TCF25: variants seen among roughly 807,000 people sequenced by gnomAD.
The protein encoded by TCF25 is ribosome quality control complex subunit TCF25.
A neutral mutation model predicts 83.1 loss-of-function variants in TCF25; 41 were observed. The observed-to-expected ratio is 0.49, with a 90% CI of 0.38 to 0.64. The LOEUF is 0.64. Among genes scored for constraint, TCF25 ranks in the 30% least tolerant of loss-of-function variants. The probability of loss-of-function intolerance (pLI) is 0.00; values close to 1 mark genes in which losing one functional copy is unlikely to be tolerated. For missense variants in TCF25, 979 were observed against 914.5 expected, an observed-to-expected ratio of 1.07 and a Z score of -0.91; for synonymous variants, 458 against 365.0, an observed-to-expected ratio of 1.25 and a Z score of -2.90.
chr16:89,874,096 A>T (rs1305209972), intron 1 of TCF25, among the ~76,000 whole-genome samples: 4 of 15,014 alleles, frequency 2.7e-4, no homozygotes, highest in Admixed American at 2.0e-3. Flanking sequence ...AACCCCGGTG[A>T]GGTGGGCGGG....
In TCF25 at chr16:89,898,796, T is replaced by C; in HGVS notation, c.1145T>C (p.Met382Thr). ...GAGCCGGATGAGGACCCCCTCTGCA[T>C]GCTGCTGCTCATCGACCACCTGGCC... is the stretch of plus-strand genomic sequence containing the variant. ...SLEPDEDPLC[M>T]LLLIDHLALR... is the part of the protein sequence containing the mutation. Residue 382 changes from methionine (M) to threonine (T), a missense_variant, in exon 11 of 18, where the codon ATG becomes ACG. By Grantham distance (81) the Met-to-Thr change is moderately conservative (BLOSUM62 -1). Transcript: ENST00000263346. The C allele has an allele frequency of 6.2e-7, 1 of 1,613,966 alleles. No individual in the cohort carries two copies. Among genetic ancestry groups the C allele is most frequent in the Non-Finnish European group, 8.5e-7 (1 of 1,180,044 alleles).
chr16:89,874,184 AG>A (rs1415069378), intron 1 of TCF25, among the ~76,000 whole-genome samples: 2 of 148,384 alleles, frequency 1.3e-5, no homozygotes, highest in Non-Finnish European at 3.0e-5. Flanking sequence ...CGGGTTGTGG[AG>A]GGTGCGGGGC....
intron 1 of TCF25, among the ~76,000 whole-genome samples, chr16:89,875,994 T>C (rs2042162676): frequency 6.6e-6 from 1 of 151,948 alleles, no homozygotes; most frequent in African/African-American, 2.4e-5. Context: ...TAATGCTTTT[T>C]TTTTCCCATT....
chr16:89,887,782 G>T (rs965034783), intron 5 of TCF25, 65 bp downstream of exon 5: 16 of 1,446,864 alleles, frequency 1.1e-5, no homozygotes, highest in Non-Finnish European at 1.5e-5. Context: ...TTGGCCGGGG[G>T]TGGTGTTCCT....
At chr16:89,875,476 C>G (rs2042108864) in intron 1 of TCF25, among the ~76,000 whole-genome samples, 1 of 145,812 alleles carries the variant, frequency 6.9e-6, no homozygotes, top group Non-Finnish European at 1.5e-5. Context: ...ACATCCATCT[C>G]TCTAGAGTGT....
chr16:89,910,991 C>T, intron 17 of TCF25, 89 bp from the exon 18 acceptor site: 10 of 1,551,738 alleles, frequency 6.4e-6, no homozygotes, highest in South Asian at 5.9e-5. Context: ...CAAGGGCCAC[C>T]TCGGGCTCCA....
chr16:89,904,069 G>T (rs758593045), intron 12 of TCF25, 49 bp from the exon 13 acceptor site: 2 of 1,564,486 alleles, frequency 1.3e-6, no homozygotes, highest in Non-Finnish European at 8.7e-7. Flanking sequence ...GCTAGGAGTG[G>T]CTGGGGTGTG....
Position 89,884,570 on chromosome 16 carries a change from T to C in TCF25, c.355-12T>C. On this transcript the variant is annotated splice_polypyrimidine_tract_variant and intron_variant, in intron 2 of 17. Transcript: ENST00000263346. ...TCTCATTCTACTGATGAAAATGTGT[T>C]TCTATCATTAGTCTCATGCAAGTGG... The C allele has an allele frequency of 1.2e-6, 2 of 1,612,676 alleles. No individual in the cohort carries two copies. Among genetic ancestry groups the C allele is most frequent in the South Asian group, 2.2e-5 (2 of 90,942 alleles).
chr16:89,899,407 C>T (rs1012884101), intron 11 of TCF25, among the ~76,000 whole-genome samples: 7 of 152,206 alleles, frequency 4.6e-5, no homozygotes, highest in Admixed American at 1.3e-4. Context: ...GTATTAATCT[C>T]ACCTGTTTTG....
intron 1 of TCF25, chr16:89,878,323 T>C (rs547468671): frequency 4.2e-6 from 3 of 710,168 alleles, no homozygotes; most frequent in Non-Finnish European, 5.4e-6. Flanking sequence ...CGGTGGCTCA[T>C]GCCGGTAATC....
At chr16:89,882,044 C>G (rs1392401132) in intron 1 of TCF25, among the ~76,000 whole-genome samples, 4 of 152,204 alleles carry the variant, frequency 2.6e-5, no homozygotes, top group Non-Finnish European at 5.9e-5. Context: ...TGCACCGCCA[C>G]CGTGCCCGGT....
intron 8 of TCF25, 120 bp from the exon 9 acceptor site, chr16:89,895,870 C>T: frequency 1.2e-6 from 1 of 844,828 alleles, no homozygotes; most frequent in Non-Finnish European, 1.8e-6. Flanking sequence ...CTCTCAGTGT[C>T]CAGGACTCTA....
chr16:89,878,455 T>C (rs1191104108), intron 1 of TCF25: 4 of 1,247,620 alleles, frequency 3.2e-6, no homozygotes, highest in African/African-American at 1.6e-5. Context: ...TTTTTTTTTT[T>C]TTTAGGAAAA....
At chr16:89,901,226 G>A (rs1014058887) in intron 12 of TCF25, among the ~76,000 whole-genome samples, 3 of 152,264 alleles carry the variant, frequency 2.0e-5, no homozygotes, top group Non-Finnish European at 4.4e-5. Context: ...CTGCACAGCC[G>A]TGACCCCTGA....
intron 12 of TCF25, among the ~76,000 whole-genome samples, chr16:89,902,698 GAAAA>G (rs1197265214): frequency 9.7e-6 from 1 of 102,954 alleles, no homozygotes; most frequent in Admixed American, 9.6e-5. Flanking sequence ...CAAAAAAAAA[GAAAA>G]AAAAAAAAAG....
chr16:89,904,784 A>T, intron 13 of TCF25, 154 bp from the exon 14 acceptor site: 1 of 890,518 alleles, frequency 1.1e-6, no homozygotes, highest in Non-Finnish European at 1.8e-6. Context: ...CCCCAGCCCC[A>T]CGCCCTCAGG....
intron 6 of TCF25, among the ~76,000 whole-genome samples, chr16:89,893,064 A>G (rs2043552038): frequency 6.6e-6 from 1 of 152,190 alleles, no homozygotes; most frequent in Non-Finnish European, 1.5e-5. Context: ...TCCTGGCAGG[A>G]ACCCCTGCTC....
Position 89,911,118 on chromosome 16 carries a change from C to T in TCF25, c.1911C>T (p.Asn637=), listed in dbSNP as rs2045518505. The T allele has an allele frequency of 6.2e-7, 1 of 1,611,430 alleles. No homozygotes were observed. The highest frequency in any genetic ancestry group is 1.7e-5 in the Admixed American group (1 of 59,994). The part of the protein sequence containing the change: ...RPEEGVAGGL[N]RNQGLNRLML... The stretch of plus-strand genomic sequence containing the variant: ...AGGAAGGAGTGGCTGGGGGTCTGAA[C>T]CGCAACCAGGGCCTGAACAGGCTGA... The change falls in exon 18 of 18, where the codon AAC becomes AAT. Residue 637 remains asparagine, a synonymous_variant. Coordinates refer to ENST00000263346, the MANE Select transcript of TCF25 (RefSeq NM_014972.3).
intron 1 of TCF25, chr16:89,878,434 A>AT (rs34120033): frequency 0.15 from 145,327 of 993,024 alleles, 3,754 homozygotes; most frequent in African/African-American, 0.32. Context: ...AAAAATCACC[A>AT]TTTTTTTTTT....
Sources: allele counts gnomAD v4.1 joint callset (sites outside exome capture counted in the v4.1 genomes callset), GRCh38; gene constraint gnomAD v4.1.1; transcripts MANE v1.5; gene names NCBI Gene and HGNC (gene_info 2026-07-23, HGNC 2026-07-21).